CDH12: variants seen among roughly 807,000 people sequenced by gnomAD.
CDH12 encodes cadherin-12.
CDH12 carries 41 observed loss-of-function variants against 74.1 expected under a neutral mutation model. The observed-to-expected ratio is 0.55, with a 90% confidence interval of 0.43 to 0.72. The LOEUF (loss-of-function observed/expected upper bound fraction) is 0.72. CDH12 is among the 30% of genes least tolerant of loss of function. CDH12 has a pLI of 0.00. For missense variants in CDH12, 945 were observed against 977.2 expected, an observed-to-expected ratio of 0.97 and a Z score of 0.44; for synonymous variants, 399 against 355.0, an observed-to-expected ratio of 1.12 and a Z score of -1.39.
At chr5:22,823,538 G>T (rs1407801019) in intron 1 of CDH12, among the ~76,000 whole-genome samples, 3 of 151,946 alleles carry the variant, frequency 2.0e-5, no homozygotes, top group African/African-American at 4.8e-5. Flanking sequence ...TTTGTAAATT[G>T]CCCAGTCTTG....
Position 22,596,056 on chromosome 5 carries a change from C to T in CDH12, c.-522-90692G>A, listed in dbSNP as rs575465345. Among the ~76,000 whole-genome samples the T allele has an allele frequency of 2.4e-4, 36 of 150,898 alleles. 2 individuals are homozygous for T. The South Asian group carries it at 6.9e-3, about 29-fold the overall frequency. ...CCAGGAGGCAGAGCTTGCAGTGAGC[C>T]GAGATCACGCCACTGCACTCCAGCC... On this transcript the variant is annotated intron_variant, in intron 1 of 14. Coordinates refer to ENST00000382254, the MANE Select transcript of CDH12 (RefSeq NM_004061.5).
chr5:21,951,979 C>T (rs1259971158), intron 6 of CDH12, among the ~76,000 whole-genome samples: 1 of 152,068 alleles, frequency 6.6e-6, no homozygotes, highest in Non-Finnish European at 1.5e-5. Flanking sequence ...AATGGAGAAG[C>T]CACAAAGAGG....
chr5:22,036,738 G>T lies in CDH12; in HGVS notation c.231+41708C>A, dbSNP rs527716278. Among the ~76,000 whole-genome samples the T allele has an allele frequency of 1.6e-3, 245 of 152,170 alleles. 1 individual carries two copies. Among genetic ancestry groups the T allele is most frequent in the Non-Finnish European group, 2.4e-3 (163 of 68,012 alleles). On this transcript the variant is annotated intron_variant, in intron 5 of 14. Transcript: ENST00000382254. ...TTAGGGTCTATAAAATTTAATCAAG[G>T]TTTAATTGGTGTTTTAAGACCCTAT...
intron 6 of CDH12, among the ~76,000 whole-genome samples, chr5:21,895,758 TAGTA>T (rs1753095485): frequency 6.6e-6 from 1 of 152,042 alleles, no homozygotes; most frequent in Non-Finnish European, 1.5e-5. Context: ...AGTGCCCAGG[TAGTA>T]GCCTTCATGA....
At chr5:22,205,928 A>G (rs1168822900) in intron 4 of CDH12, among the ~76,000 whole-genome samples, 1 of 152,122 alleles carries the variant, frequency 6.6e-6, no homozygotes, top group Non-Finnish European at 1.5e-5. Flanking sequence ...CAACTATTCT[A>G]TGTCCAAAAT....
intron 4 of CDH12, among the ~76,000 whole-genome samples, chr5:22,204,061 T>C (rs1751070584): frequency 6.6e-6 from 1 of 152,118 alleles, no homozygotes; most frequent in Non-Finnish European, 1.5e-5. Context: ...ATCTATAAAC[T>C]ATGCATCTGA....
At chr5:22,685,694 T>A (rs1382008186) in intron 1 of CDH12, among the ~76,000 whole-genome samples, 1 of 152,228 alleles carries the variant, frequency 6.6e-6, no homozygotes, top group Non-Finnish European at 1.5e-5. Flanking sequence ...CTTACTGTGT[T>A]TTCAAGGTTC....
In CDH12 at chr5:22,040,242, G is replaced by A. The variant is rs117447289; in HGVS notation, c.231+38204C>T. Among the ~76,000 whole-genome samples, 219 of 152,046 alleles carry A rather than the reference G, an allele frequency of 1.4e-3. 6 individuals are homozygous for A. The East Asian group carries it at 0.035, about 25-fold the overall frequency. ...GAAACAATCTCTGAACTTAAATATAGGTCATTTGAAATTACTCAGAGGACA... is the reference window on the plus strand; with the variant it reads ...GAAACAATCTCTGAACTTAAATATAAGTCATTTGAAATTACTCAGAGGACA... On this transcript the variant is annotated intron_variant, in intron 5 of 14. Coordinates refer to ENST00000382254, the MANE Select transcript of CDH12 (RefSeq NM_004061.5).
chr5:22,598,277 AC>A (rs1243447721), intron 1 of CDH12, among the ~76,000 whole-genome samples: 2 of 152,206 alleles, frequency 1.3e-5, no homozygotes, highest in African/African-American at 4.8e-5. Flanking sequence ...CCCAAATCTC[AC>A]CTTGAATTGT....
chr5:22,297,920 C>T (rs1188468791), intron 3 of CDH12, among the ~76,000 whole-genome samples: 3 of 151,758 alleles, frequency 2.0e-5, no homozygotes, highest in Non-Finnish European at 4.4e-5. Context: ...TGAAATTTTA[C>T]TTCCAGTAAC....
chr5:22,117,732 T>C (rs1309107875), intron 4 of CDH12, among the ~76,000 whole-genome samples: 1 of 150,444 alleles, frequency 6.6e-6, no homozygotes, highest in Non-Finnish European at 1.5e-5. Context: ...AAAATTCTGA[T>C]TTAATGGGGT....
intron 2 of CDH12, among the ~76,000 whole-genome samples, chr5:22,418,457 C>A (rs1429332546): frequency 1.3e-5 from 2 of 152,140 alleles, no homozygotes; most frequent in Admixed American, 1.3e-4. Flanking sequence ...TGCCTGATTG[C>A]CCTGGCCAGA....
intron 2 of CDH12, among the ~76,000 whole-genome samples, chr5:22,473,391 T>A (rs892250005): frequency 6.6e-6 from 1 of 152,150 alleles, no homozygotes; most frequent in Non-Finnish European, 1.5e-5. Flanking sequence ...TATTTTGACT[T>A]TTTTAACTGC....
intron 3 of CDH12, among the ~76,000 whole-genome samples, chr5:22,325,488 A>G (rs1208823420): frequency 6.6e-6 from 1 of 152,182 alleles, no homozygotes; most frequent in Admixed American, 6.5e-5. Context: ...AACTATACAA[A>G]ACAAATGGAA....
chr5:21,865,357 G>C (rs377643467), intron 6 of CDH12, among the ~76,000 whole-genome samples: 15 of 152,274 alleles, frequency 9.9e-5, no homozygotes, highest in African/African-American at 3.4e-4. Context: ...GGGTGGCCAA[G>C]CTACCCTTTG....
intron 6 of CDH12, among the ~76,000 whole-genome samples, chr5:21,870,389 G>A (rs1384138726): frequency 1.3e-5 from 2 of 152,076 alleles, no homozygotes; most frequent in Non-Finnish European, 2.9e-5. Context: ...AATTAGCTGG[G>A]GGCCTGGATA....
chr5:22,146,167 A>C (rs1747163025), intron 4 of CDH12, among the ~76,000 whole-genome samples: 1 of 152,100 alleles, frequency 6.6e-6, no homozygotes, highest in Non-Finnish European at 1.5e-5. Context: ...ATGCTTTTAA[A>C]TACTCTTAGT....
intron 1 of CDH12, among the ~76,000 whole-genome samples, chr5:22,752,375 T>A (rs972459463): frequency 2.0e-5 from 3 of 151,694 alleles, no homozygotes; most frequent in Admixed American, 2.0e-4. Flanking sequence ...GAAGCTATAC[T>A]AACAATGAGT....
intron 1 of CDH12, among the ~76,000 whole-genome samples, chr5:22,536,513 G>C (rs1242841217): frequency 6.6e-6 from 1 of 152,088 alleles, no homozygotes; most frequent in Non-Finnish European, 1.5e-5. Flanking sequence ...ATTTTTTACA[G>C]GTCCTAATAT....
Sources: gnomAD v4.1 joint callset for allele counts (sites outside exome capture counted in the v4.1 genomes callset) on GRCh38, gnomAD v4.1.1 for gene constraint, MANE v1.5 for transcripts, NCBI Gene and HGNC (gene_info 2026-07-23, HGNC 2026-07-21) for gene names.